The following MEI1 variants were observed in gnomAD, a reference collection of about 807,000 sequenced individuals.
MEI1 encodes meiosis inhibitor protein 1.
Under a neutral mutation model 146.2 loss-of-function variants are expected in MEI1, and 103 were observed. That is an observed-to-expected ratio of 0.70 (90% CI 0.60 to 0.83). The LOEUF is 0.83. MEI1 is among the 40% of genes least tolerant of loss of function. MEI1 has a pLI of 0.00. For synonymous variants in MEI1, 652 were observed against 628.2 expected, an observed-to-expected ratio of 1.04 and a Z score of -0.57; for missense variants, 1,529 against 1,533.0, an observed-to-expected ratio of 1.00 and a Z score of 0.04.
chr22:41,712,291 G>GTGGCGCGATCTTGGCTCACTGCAA (rs2069652480), intron 3 of MEI1, among the ~76,000 whole-genome samples: 2 of 149,612 alleles, frequency 1.3e-5, no homozygotes, highest in Non-Finnish European at 1.5e-5. Flanking sequence ...CTGGAGTGCA[G>GTGGCGCGATCTTGGCTCACTGCAA]TGGCGCGATC....
At chr22:41,712,144 C>T in intron 3 of MEI1, among the ~76,000 whole-genome samples, 1 of 125,752 alleles carries the variant, frequency 8.0e-6, no homozygotes, top group South Asian at 2.6e-4. Flanking sequence ...GCAGAAGTTG[C>T]AGTGAGGCGA....
chr22:41,780,728 G>A (rs1345783236), intron 22 of MEI1, among the ~76,000 whole-genome samples: 1 of 151,978 alleles, frequency 6.6e-6, no homozygotes, highest in African/African-American at 2.4e-5. Context: ...CTACCAGTGT[G>A]TGCCACCATG....
chr22:41,720,693 T>G (rs1239104892), intron 6 of MEI1, among the ~76,000 whole-genome samples: 1 of 151,212 alleles, frequency 6.6e-6, no homozygotes, highest in Non-Finnish European at 1.5e-5. Context: ...ACCTCCCGGG[T>G]TCACGCCATT....
intron 6 of MEI1, among the ~76,000 whole-genome samples, chr22:41,718,548 G>A (rs551188392): frequency 4.6e-5 from 7 of 152,134 alleles, no homozygotes; most frequent in Non-Finnish European, 8.8e-5. Flanking sequence ...GTATTTGCTG[G>A]CAAGTTAATC....
chr22:41,764,892 C>A (rs561097849), intron 19 of MEI1, among the ~76,000 whole-genome samples: 13 of 152,266 alleles, frequency 8.5e-5, no homozygotes, highest in African/African-American at 2.9e-4. Context: ...GTCCGACTCC[C>A]GCATCAGTTA....
intron 20 of MEI1, among the ~76,000 whole-genome samples, chr22:41,775,594 CT>C (rs532068296): frequency 0.04 from 5,438 of 134,624 alleles, 215 homozygotes; most frequent in African/African-American, 0.13. Flanking sequence ...TGGACCTATT[CT>C]TTTTTTTTTT....
intron 18 of MEI1, among the ~76,000 whole-genome samples, chr22:41,762,707 A>AT (rs2074578777): frequency 6.6e-6 from 1 of 151,986 alleles, no homozygotes; most frequent in Admixed American, 6.6e-5. Flanking sequence ...TCTTAGTGGT[A>AT]TCTTTTAAGC....
At chr22:41,745,812 C>T in intron 13 of MEI1, 73 bp from the exon 14 acceptor site, 1 of 1,443,774 alleles carries the variant, frequency 6.9e-7, no homozygotes, top group Non-Finnish European at 9.3e-7. Flanking sequence ...CTCCCCGCCA[C>T]CCCCCAGGAA....
chr22:41,737,823 G>A (rs1353378288), intron 11 of MEI1, among the ~76,000 whole-genome samples: 1 of 152,020 alleles, frequency 6.6e-6, no homozygotes, highest in Non-Finnish European at 1.5e-5. Flanking sequence ...GTCAATATGC[G>A]AATGTAGGAT....
intron 26 of MEI1, among the ~76,000 whole-genome samples, chr22:41,786,457 G>C: frequency 6.6e-6 from 1 of 152,234 alleles, no homozygotes; most frequent in Non-Finnish European, 1.5e-5. Context: ...CAGAAGCTCA[G>C]AGAAGGTCAT....
At chr22:41,735,425 G>T (rs1395832444) in intron 11 of MEI1, among the ~76,000 whole-genome samples, 1 of 151,948 alleles carries the variant, frequency 6.6e-6, no homozygotes. Context: ...GTAGAGACGG[G>T]GTTTCTCCAT....
At chr22:41,753,102 A>G (rs1262771986) in intron 16 of MEI1, among the ~76,000 whole-genome samples, 1 of 151,888 alleles carries the variant, frequency 6.6e-6, no homozygotes, top group Non-Finnish European at 1.5e-5. Flanking sequence ...CACTGCAACA[A>G]CCGCCTCCTG....
At position 41,780,583 on chromosome 22, in the gene MEI1, T is replaced by C. The variant is rs74851269; in HGVS notation, c.2816-701T>C. Among the ~76,000 whole-genome samples the C allele has an allele frequency of 7.3e-3, 1,064 of 146,382 alleles. 26 individuals are homozygous for C. Among genetic ancestry groups the C allele is most frequent in the African/African-American group, 0.025 (1,011 of 40,154 alleles). ...TTTGAGCTGAATTTTTTTCTTTTCT[T>C]TTTTTTTTTTTTTTTGAGACAGGGT... On this transcript the variant is annotated intron_variant, in intron 22 of 30. Coordinates refer to ENST00000401548, the MANE Select transcript of MEI1 (RefSeq NM_152513.4).
At chr22:41,790,590 CTTT>C (rs1455704292) in intron 26 of MEI1, among the ~76,000 whole-genome samples, 2 of 151,302 alleles carry the variant, frequency 1.3e-5, no homozygotes, top group South Asian at 2.1e-4. Flanking sequence ...CACTGAACTT[CTTT>C]TTTTCTTTTT....
In MEI1 at chr22:41,705,553, A is replaced by G. The variant is rs772390537; in HGVS notation, c.348A>G (p.Glu116=). ...GGAGTGTGACAGACCTCTGTATTGA[A>G]GGTAAGTTGAAACCTTGTATCTAGC... is the stretch of plus-strand genomic sequence containing the variant. ...EDGSVTDLCI[E]VLIQITTQLK... The change falls in exon 3 of 31, where the codon GAA becomes GAG. Residue 116 remains glutamate (E), a splice_region_variant and synonymous_variant. Coordinates refer to ENST00000401548, the MANE Select transcript of MEI1 (RefSeq NM_152513.4). 1.2e-6 allele frequency: 2 copies of G among 1,612,940 alleles called. No individual in the cohort carries two copies. Among genetic ancestry groups the G allele is most frequent in the Non-Finnish European group, 8.5e-7 (1 of 1,179,012 alleles).
Position 41,716,082 on chromosome 22 carries a change from G to A in MEI1, c.465G>A (p.Leu155=), listed in dbSNP as rs1384374798. ...CCATGCGAGGCAGCCTGGCCACCCT[G>A]ACCCTTCTTGGCAAGTTGGTGGATG... The part of the protein sequence containing the change: ...MPSMRGSLAT[L]TLLGKLVDAI... Residue 155 remains leucine, a synonymous_variant, in exon 5 of 31, where the codon CTG becomes CTA. Transcript: ENST00000401548. The A allele has an allele frequency of 6.2e-7, 1 of 1,611,956 alleles. No homozygotes were observed. Among genetic ancestry groups the A allele is most frequent in the Admixed American group, 1.7e-5 (1 of 59,808 alleles).
At position 41,799,289 on chromosome 22, in the gene MEI1, T is replaced by G; in HGVS notation, c.3815T>G (p.Ile1272Ser). 6.2e-7 allele frequency: 1 copy of G among 1,613,388 alleles called. No homozygotes were observed. The highest frequency in any genetic ancestry group is 8.5e-7 in the Non-Finnish European group (1 of 1,179,604). ...LGGVAVSLSH[I>S]RN ...GGGGTGGCTGTATCCCTGTCCCACA[T>G]CAGAAACTGATCCTCAGGACTTGAA... Residue 1272 changes from isoleucine to serine, a missense_variant, in exon 31 of 31, where the codon ATC becomes AGC. This residue lies in a region of MEI1 where 313 missense variants were observed against 337.3 expected (regional missense o/e 0.93). Coordinates refer to ENST00000401548, the MANE Select transcript of MEI1 (RefSeq NM_152513.4).
chr22:41,799,084 C>T (rs1444361322), intron 30 of MEI1, among the ~76,000 whole-genome samples, 170 bp from the exon 31 acceptor site: 1 of 152,266 alleles, frequency 6.6e-6, no homozygotes, highest in East Asian at 1.9e-4. Context: ...TGTTGAATAG[C>T]AACTACCTAG....
At chr22:41,782,716 G>A (rs1002430426) in intron 24 of MEI1, among the ~76,000 whole-genome samples, 4 of 152,246 alleles carry the variant, frequency 2.6e-5, no homozygotes, top group African/African-American at 9.6e-5. Flanking sequence ...GCCTGTGGTT[G>A]GTTTAGGACA....
Sources: gnomAD v4.1 joint callset for allele counts (sites outside exome capture counted in the v4.1 genomes callset) on GRCh38, gnomAD v4.1.1 for gene constraint, gnomAD v4.1.1 regional missense constraint, MANE v1.5 for transcripts, NCBI Gene and HGNC (gene_info 2026-07-23, HGNC 2026-07-21) for gene names.